Variants in WDR70 observed in about 807,000 individuals in gnomAD.
WDR70 encodes WD repeat domain 70.
WDR70 carries 53 observed loss-of-function variants against 88.6 expected under a neutral mutation model. That is an observed-to-expected ratio of 0.60 (90% CI 0.48 to 0.75). The LOEUF (loss-of-function observed/expected upper bound fraction) is 0.75. Ranked by LOEUF, WDR70 falls within the 30% of genes least tolerant of loss-of-function variation. The pLI is 0.00. For synonymous variants in WDR70, 280 were observed against 270.0 expected, an observed-to-expected ratio of 1.04 and a Z score of -0.36; for missense variants, 610 against 823.2, an observed-to-expected ratio of 0.74 and a Z score of 3.17.
chr5:37,697,006 A>G (rs1293080138), intron 10 of WDR70, among the ~76,000 whole-genome samples: 2 of 152,258 alleles, frequency 1.3e-5, no homozygotes, highest in Non-Finnish European at 2.9e-5. Flanking sequence ...GCCTTGGACA[A>G]GGTCCTTAAG....
chr5:37,605,879 A>T (rs1488221644), intron 10 of WDR70, among the ~76,000 whole-genome samples: 1 of 152,184 alleles, frequency 6.6e-6, no homozygotes, highest in Non-Finnish European at 1.5e-5. Flanking sequence ...TTTTATGTAT[A>T]GATGGTAAAA....
intron 13 of WDR70, among the ~76,000 whole-genome samples, chr5:37,703,416 T>C (rs1403124947): frequency 6.6e-6 from 1 of 152,170 alleles, no homozygotes; most frequent in East Asian, 1.9e-4. Flanking sequence ...TTTGTGAGGA[T>C]CTAGGGATTG....
chr5:37,491,810 CTG>C (rs1388852182), intron 8 of WDR70, among the ~76,000 whole-genome samples: 1 of 152,040 alleles, frequency 6.6e-6, no homozygotes, highest in Non-Finnish European at 1.5e-5. Context: ...CAAAAGAAAA[CTG>C]TTAACTTAAG....
intron 8 of WDR70, among the ~76,000 whole-genome samples, chr5:37,504,868 T>C (rs1740513325): frequency 6.6e-6 from 1 of 152,220 alleles, no homozygotes; most frequent in African/African-American, 2.4e-5. Flanking sequence ...CTAGTATCCC[T>C]GCTCTTGGGG....
At chr5:37,693,781 A>G (rs1486880192) in intron 10 of WDR70, among the ~76,000 whole-genome samples, 1 of 152,222 alleles carries the variant, frequency 6.6e-6, no homozygotes, top group Non-Finnish European at 1.5e-5. Context: ...AATATCATTC[A>G]GGACATAGGC....
At chr5:37,749,927 T>C (rs1748756020) in intron 17 of WDR70, among the ~76,000 whole-genome samples, 1 of 152,190 alleles carries the variant, frequency 6.6e-6, no homozygotes, top group Non-Finnish European at 1.5e-5. Context: ...CTAAGTTTAA[T>C]GCTCAATTAC....
At chr5:37,484,550 A>G (rs142386609) in intron 8 of WDR70, among the ~76,000 whole-genome samples, 7,269 of 152,128 alleles carry the variant, frequency 0.048, 194 homozygotes, top group South Asian at 0.077. Flanking sequence ...CCGTGGAAAG[A>G]GAGGGAGAGG....
intron 9 of WDR70, among the ~76,000 whole-genome samples, chr5:37,524,603 A>G (rs1416523034): frequency 1.3e-5 from 2 of 152,222 alleles, no homozygotes; most frequent in African/African-American, 2.4e-5. Context: ...CTAACATCAT[A>G]ATGACAGGAT....
At chr5:37,699,778 T>C (rs1356116195) in intron 11 of WDR70, among the ~76,000 whole-genome samples, 2 of 151,622 alleles carry the variant, frequency 1.3e-5, no homozygotes, top group Non-Finnish European at 2.9e-5. Context: ...TGAAACCCTG[T>C]CTCTACGAAA....
At chr5:37,496,310 C>T (rs575619005) in intron 8 of WDR70, among the ~76,000 whole-genome samples, 24 of 152,178 alleles carry the variant, frequency 1.6e-4, no homozygotes, top group Non-Finnish European at 2.6e-4. Flanking sequence ...CACAATAAAT[C>T]TTGCTGCTGC....
At chr5:37,447,036 A>G (rs956242376) in intron 7 of WDR70, among the ~76,000 whole-genome samples, 3 of 152,150 alleles carry the variant, frequency 2.0e-5, no homozygotes, top group African/African-American at 7.2e-5. Flanking sequence ...TTTGCAACCT[A>G]CCCATCTGAC....
chr5:37,505,551 G>A (rs377298228), intron 8 of WDR70: 21 of 639,536 alleles, frequency 3.3e-5, no homozygotes, highest in Middle Eastern at 4.3e-4. Context: ...ACCGCTGAGA[G>A]CAAGCATAAT....
At chr5:37,411,818 C>A (rs1279780305) in intron 5 of WDR70, among the ~76,000 whole-genome samples, 1 of 152,116 alleles carries the variant, frequency 6.6e-6, no homozygotes, top group African/African-American at 2.4e-5. Flanking sequence ...ACTGTCCCAA[C>A]TGTGATTAAT....
At chr5:37,659,768 A>G (rs1367560525) in intron 10 of WDR70, among the ~76,000 whole-genome samples, 1 of 152,148 alleles carries the variant, frequency 6.6e-6, no homozygotes, top group Non-Finnish European at 1.5e-5. Context: ...AGGGAGGGAC[A>G]GGCTCTGTCT....
At chr5:37,560,308 TG>T (rs1028091631) in intron 9 of WDR70, among the ~76,000 whole-genome samples, 10 of 146,012 alleles carry the variant, frequency 6.8e-5, no homozygotes, top group East Asian at 3.9e-4. Flanking sequence ...TTCAATGAAT[TG>T]TTTTTTTTAC....
chr5:37,507,189 C>T (rs1396778068), intron 8 of WDR70, among the ~76,000 whole-genome samples: 1 of 152,060 alleles, frequency 6.6e-6, no homozygotes, highest in African/African-American at 2.4e-5. Flanking sequence ...ATTTTAGAAG[C>T]ACCCTGTCTA....
intron 7 of WDR70, among the ~76,000 whole-genome samples, chr5:37,464,903 C>G (rs1192190200): frequency 2.0e-5 from 3 of 152,118 alleles, no homozygotes; most frequent in African/African-American, 7.2e-5. Flanking sequence ...CTTACAATGT[C>G]GATCTAACAT....
At chr5:37,442,831 G>A (rs927305691) in intron 6 of WDR70, among the ~76,000 whole-genome samples, 14 of 152,114 alleles carry the variant, frequency 9.2e-5, no homozygotes, top group Non-Finnish European at 1.6e-4. Context: ...GATTCATATG[G>A]TTTTCATTCA....
At chr5:37,403,122 A>AT (rs773005686) in intron 5 of WDR70, among the ~76,000 whole-genome samples, 54 of 151,250 alleles carry the variant, frequency 3.6e-4, no homozygotes, top group Non-Finnish European at 5.3e-4. Context: ...AATTTTTTGT[A>AT]TTTTTAGTAG....
Sources: allele counts gnomAD v4.1 joint callset (sites outside exome capture counted in the v4.1 genomes callset), GRCh38; gene constraint gnomAD v4.1.1; transcripts MANE v1.5; gene names NCBI Gene and HGNC (gene_info 2026-07-23, HGNC 2026-07-21).